PHACTR3: variants seen among roughly 807,000 people sequenced by gnomAD.
PHACTR3 encodes the protein phosphatase and actin regulator 3, also known as protein phosphatase 1, regulatory subunit 123.
A neutral mutation model predicts 66.8 loss-of-function variants in PHACTR3; 16 were observed. That is an observed-to-expected ratio of 0.24 (90% confidence interval 0.16 to 0.36). The LOEUF is 0.36. Ranked by LOEUF, PHACTR3 falls within the 10% of genes least tolerant of loss-of-function variation. The pLI, the probability that PHACTR3 is intolerant of heterozygous loss-of-function variation, is 1.00. For synonymous variants in PHACTR3, 323 were observed against 292.1 expected (o/e 1.11, Z -1.08); for missense variants, 647 against 719.9 (o/e 0.90, Z 1.16).
chr20:59,743,611 G>T (rs2039256249), intron 2 of PHACTR3, among the ~76,000 whole-genome samples: 1 of 152,206 alleles, frequency 6.6e-6, no homozygotes, highest in South Asian at 2.1e-4. Flanking sequence ...TTGGAGCAAG[G>T]TCTCACTTGC....
chr20:59,724,491 T>A (rs566281577), intron 1 of PHACTR3, among the ~76,000 whole-genome samples: 1 of 152,290 alleles, frequency 6.6e-6, no homozygotes, highest in South Asian at 2.1e-4. Flanking sequence ...CTTTGAAGTT[T>A]GCAAGAAGCT....
intron 3 of PHACTR3, among the ~76,000 whole-genome samples, chr20:59,754,035 C>T (rs776475901): frequency 5.3e-5 from 8 of 152,212 alleles, no homozygotes; most frequent in Admixed American, 1.3e-4. Flanking sequence ...CCCTCTGCAC[C>T]GGGCCTCCAG....
At chr20:59,693,263 T>C (rs922061873) in intron 1 of PHACTR3, among the ~76,000 whole-genome samples, 8 of 152,252 alleles carry the variant, frequency 5.3e-5, no homozygotes. Flanking sequence ...ATCTATGTGC[T>C]TGACTTAGCC....
intron 1 of PHACTR3, among the ~76,000 whole-genome samples, chr20:59,682,627 T>A (rs2036705675): frequency 6.6e-6 from 1 of 152,174 alleles, no homozygotes; most frequent in Admixed American, 6.5e-5. Flanking sequence ...ATTTGAGTAT[T>A]ACATGGAGTG....
At chr20:59,628,810 C>T in intron 1 of PHACTR3, 1 of 985,318 alleles carries the variant, frequency 1.0e-6, no homozygotes, top group Non-Finnish European at 1.2e-6. Flanking sequence ...TGGGAAGAGC[C>T]ACGGAGGTTA....
At chr20:59,692,779 C>A (rs1035242522) in intron 1 of PHACTR3, among the ~76,000 whole-genome samples, 23 of 152,166 alleles carry the variant, frequency 1.5e-4, no homozygotes, top group Non-Finnish European at 2.8e-4. Flanking sequence ...TGACCTTGGG[C>A]AACTTACAAA....
chr20:59,719,428 G>T, intron 1 of PHACTR3, among the ~76,000 whole-genome samples: 1 of 152,180 alleles, frequency 6.6e-6, no homozygotes, highest in East Asian at 1.9e-4. Context: ...CTCCCAAAGT[G>T]TTGGGATTAT....
At position 59,830,966 on chromosome 20, in the gene PHACTR3, G is replaced by A. The variant is rs541774866; in HGVS notation, c.1329-5539G>A. 9.9e-5 allele frequency among the ~76,000 whole-genome samples: 15 copies of A among 151,654 alleles called. No individual in the cohort carries two copies. The highest frequency in any genetic ancestry group is 3.9e-4 in the Admixed American group (6 of 15,290). The stretch of plus-strand genomic sequence containing the variant: ...CATGACTCCTGGAGCCTCTCCAGGC[G>A]TCCTGACTGTCCAGGCTGTCGGCGG... On this transcript the variant is annotated intron_variant, in intron 8 of 12. Coordinates refer to ENST00000371015, the MANE Select transcript of PHACTR3 (RefSeq NM_080672.5). The surrounding 1 kb of genome is among the most constrained non-coding windows in gnomAD (Gnocchi z 5.8).
At chr20:59,777,486 C>T (rs1003780706) in intron 7 of PHACTR3, among the ~76,000 whole-genome samples, 1 of 152,172 alleles carries the variant, frequency 6.6e-6, no homozygotes, top group Non-Finnish European at 1.5e-5. Context: ...CCATGGCCTC[C>T]AACAGAATGT....
At chr20:59,743,953 T>C (rs1234793881) in intron 2 of PHACTR3, among the ~76,000 whole-genome samples, 2 of 152,164 alleles carry the variant, frequency 1.3e-5, no homozygotes, top group African/African-American at 4.8e-5. Flanking sequence ...GCCCTGGCTC[T>C]GTGGGAAGCG....
chr20:59,811,015 G>A lies in PHACTR3; in HGVS notation c.1328+4821G>A, dbSNP rs6027134. 3.4e-3 allele frequency among the ~76,000 whole-genome samples: 523 copies of A among 152,350 alleles called. 2 individuals carry two copies. The highest frequency in any genetic ancestry group is 6.8e-3 in the African/African-American group (284 of 41,572). ...CATAGGTGCCGGCGATGTGCTTGAC[G>A]TCTGCCTTACTTTCTTTCATTTATC... is the stretch of plus-strand genomic sequence containing the variant. On this transcript the variant is annotated intron_variant, in intron 8 of 12. Coordinates refer to ENST00000371015, the MANE Select transcript of PHACTR3 (RefSeq NM_080672.5).
intron 1 of PHACTR3, among the ~76,000 whole-genome samples, chr20:59,703,334 A>G (rs1259951543): frequency 6.6e-6 from 1 of 152,222 alleles, no homozygotes; most frequent in Non-Finnish European, 1.5e-5. Context: ...AAGGTCATTT[A>G]GATTTTTCAA....
intron 8 of PHACTR3, among the ~76,000 whole-genome samples, chr20:59,833,687 G>A: frequency 6.6e-6 from 1 of 152,150 alleles, no homozygotes. Flanking sequence ...CTGGGCAGCT[G>A]GCTCAAGAAT....
intron 1 of PHACTR3, among the ~76,000 whole-genome samples, chr20:59,720,785 C>A (rs1216250123): frequency 2.6e-5 from 4 of 152,234 alleles, no homozygotes; most frequent in African/African-American, 9.6e-5. Context: ...CCAGAAGGAA[C>A]TGCTGATTTT....
chr20:59,776,417 A>T (rs2040538815), intron 7 of PHACTR3, among the ~76,000 whole-genome samples: 1 of 152,102 alleles, frequency 6.6e-6, no homozygotes, highest in Non-Finnish European at 1.5e-5. Context: ...CTCTCTGAGG[A>T]TGAGTGGATT....
At chr20:59,792,483 G>C (rs1460532327) in intron 7 of PHACTR3, among the ~76,000 whole-genome samples, 1 of 152,186 alleles carries the variant, frequency 6.6e-6, no homozygotes, top group Non-Finnish European at 1.5e-5. Context: ...TCCAATACTT[G>C]ATGTGGTCAG....
At chr20:59,737,565 CATGTGTGTGT>C (rs1222470130) in intron 1 of PHACTR3, among the ~76,000 whole-genome samples, 1 of 151,786 alleles carries the variant, frequency 6.6e-6, no homozygotes, top group Non-Finnish European at 1.5e-5. Flanking sequence ...TCTCTGTGTG[CATGTGTGTGT>C]GCGTGTGTGT....
At chr20:59,721,497 A>G (rs2038297469) in intron 1 of PHACTR3, 1 of 152,406 alleles carries the variant, frequency 6.6e-6, no homozygotes, top group Non-Finnish European at 1.5e-5. Context: ...AACTTTGTCC[A>G]CTGATGTCGG....
intron 8 of PHACTR3, among the ~76,000 whole-genome samples, chr20:59,817,177 T>C (rs2041910217): frequency 6.6e-6 from 1 of 152,242 alleles, no homozygotes; most frequent in Non-Finnish European, 1.5e-5. Flanking sequence ...ATTTACTACA[T>C]TGATTATAAC....
Sources: allele counts gnomAD v4.1 joint callset (sites outside exome capture counted in the v4.1 genomes callset), GRCh38; gene constraint gnomAD v4.1.1; non-coding constraint Gnocchi (gnomAD v3.1); transcripts MANE v1.5; gene names NCBI Gene and HGNC (gene_info 2026-07-23, HGNC 2026-07-21).